PYGB: variants seen among roughly 807,000 people sequenced by gnomAD.
PYGB encodes the protein glycogen phosphorylase, brain form.
PYGB carries 82 observed loss-of-function variants against 94.3 expected under a neutral mutation model. The ratio of observed to expected loss-of-function variants is 0.87; its 90% CI spans 0.73 to 1.04. The LOEUF is 1.04. PYGB is among the 50% of genes least tolerant of loss of function. The pLI is 0.00. For synonymous variants in PYGB, 488 were observed against 479.1 expected, an observed-to-expected ratio of 1.02 and a Z score of -0.24; for missense variants, 1,132 against 1,158.2, an observed-to-expected ratio of 0.98 and a Z score of 0.33.
At chr20:25,295,553 G>A (rs766727742) in intron 18 of PYGB, 51 bp from the exon 19 acceptor site, 2 of 1,561,262 alleles carry the variant, frequency 1.3e-6, no homozygotes, top group Admixed American at 1.7e-5. Context: ...TCGGGACAGT[G>A]TGGGCAGGGC....
At chr20:25,253,074 A>G (rs1394789831) in intron 1 of PYGB, among the ~76,000 whole-genome samples, 1 of 152,234 alleles carries the variant, frequency 6.6e-6, no homozygotes, top group Admixed American at 6.5e-5. Context: ...CAAGGGTGTT[A>G]GGAGCACAGG....
At position 25,282,125 on chromosome 20, in the gene PYGB, G is replaced by C; in HGVS notation, c.1496G>C (p.Gly499Ala). ...CGGTGGCTGCTGCTGTGCAACCCGG[G>C]GCTGGCCGATACCATCGTGGAGGTG... is the stretch of plus-strand genomic sequence containing the variant. ...PRRWLLLCNP[G>A]LADTIVEKIG... Residue 499 changes from glycine to alanine, a missense_variant, in exon 12 of 20, where the codon GGG becomes GCG. Coordinates refer to ENST00000216962, the MANE Select transcript of PYGB (RefSeq NM_002862.4). 12 of 1,613,348 alleles carry C rather than the reference G, an allele frequency of 7.4e-6. No homozygotes were observed. The highest frequency in any genetic ancestry group is 1.0e-5 in the Non-Finnish European group (12 of 1,179,822).
chr20:25,292,423 C>T lies in PYGB; in HGVS notation c.1987C>T (p.Leu663=), dbSNP rs199748264. The change falls in exon 17 of 20, where the codon CTG becomes TTG. Residue 663 remains leucine, a synonymous_variant. Transcript: ENST00000216962. Reference sequence around the variant, plus strand: ...CTCCACAGTGATCCCGGCCGCTGATCTGTCGCAGCAGATCTCCACTGCAGG... The same window carrying T: ...CTCCACAGTGATCCCGGCCGCTGATTTGTCGCAGCAGATCTCCACTGCAGG... ...LAEKVIPAAD[L]SQQISTAGTE... 21 of 1,613,208 alleles carry T rather than the reference C, an allele frequency of 1.3e-5. No homozygotes were observed. The highest frequency in any genetic ancestry group is 1.6e-5 in the Non-Finnish European group (19 of 1,179,966).
rs944122774 is a variant in PYGB at position 25,276,883 on chromosome 20, T to A, written c.772+126T>A. 3 of 812,444 alleles carry A rather than the reference T, an allele frequency of 3.7e-6. No homozygotes were observed. In the East Asian group the frequency reaches 8.1e-5, roughly 22 times the overall value. The allele number at this position is 812,444 out of a possible 1,614,324, so 50.3% of individuals were successfully genotyped here. A position where few individuals can be genotyped will look rare whatever the true frequency, so the allele number is the denominator to read the frequency against. ...GAGGCCGCGCGGCCCTCCTCTAGGG[T>A]GTCCCTGCGTCCCAGTGAAGAGCGA... On this transcript the variant is annotated intron_variant, in intron 6 of 19. Coordinates refer to ENST00000216962, the MANE Select transcript of PYGB (RefSeq NM_002862.4).
At chr20:25,275,483 G>A in intron 5 of PYGB, among the ~76,000 whole-genome samples, 1 of 152,222 alleles carries the variant, frequency 6.6e-6, no homozygotes, top group Non-Finnish European at 1.5e-5. Flanking sequence ...GCAATAACAG[G>A]AGAGCCTGGA....
intron 17 of PYGB, 109 bp downstream of exon 17, chr20:25,292,722 T>G: frequency 7.3e-7 from 1 of 1,362,348 alleles, no homozygotes; most frequent in Non-Finnish European, 9.9e-7. Context: ...CACTGTGTGC[T>G]AGGGTCAGTG....
chr20:25,276,721 T>C lies in PYGB; in HGVS notation c.736T>C (p.Ser246Pro). Residue 246 changes from serine (S) to proline (P), a missense_variant, in exon 6 of 20, where the codon TCC (serine) becomes CCC (proline). Transcript: ENST00000216962. The part of the protein sequence containing the change: ...NNTVNTMRLW[S>P]AKAPNDFKLQ... ...CACCGTCAACACCATGCGGCTGTGG[T>C]CCGCCAAGGCTCCCAACGACTTCAA... The C allele has an allele frequency of 6.2e-7, 1 of 1,614,024 alleles. No homozygotes were observed. Among genetic ancestry groups the C allele is most frequent in the Non-Finnish European group, 8.5e-7 (1 of 1,179,908 alleles).
At chr20:25,256,435 G>C (rs936791809) in intron 1 of PYGB, among the ~76,000 whole-genome samples, 4 of 151,414 alleles carry the variant, frequency 2.6e-5, no homozygotes, top group African/African-American at 9.7e-5. Context: ...GGTGGAGGTT[G>C]CAGTGAGCCA....
At chr20:25,266,142 C>T (rs754014413) in intron 2 of PYGB, among the ~76,000 whole-genome samples, 1 of 152,150 alleles carries the variant, frequency 6.6e-6, no homozygotes, top group African/African-American at 2.4e-5. Flanking sequence ...TGTGCCACTG[C>T]GCCTGGCTGA....
intron 2 of PYGB, among the ~76,000 whole-genome samples, chr20:25,260,647 G>A (rs943816034): frequency 2.6e-5 from 4 of 152,140 alleles, no homozygotes; most frequent in Non-Finnish European, 5.9e-5. Flanking sequence ...GTAGCCCACC[G>A]AGCGTGAGAG....
chr20:25,279,284 C>T (rs1439121884), intron 9 of PYGB, 135 bp downstream of exon 9: 7 of 940,062 alleles, frequency 7.4e-6, no homozygotes, highest in Admixed American at 5.1e-5. Flanking sequence ...AGGAGAGACG[C>T]GAGCTGTGGG....
chr20:25,254,206 A>C (rs566959560), intron 1 of PYGB, among the ~76,000 whole-genome samples: 2 of 152,210 alleles, frequency 1.3e-5, no homozygotes, highest in African/African-American at 2.4e-5. Context: ...CATTTTAATC[A>C]ACACAGTGCT....
Position 25,259,310 on chromosome 20 carries a change from A to G in PYGB, c.317A>G (p.Gln106Arg). 1 of 1,611,582 alleles carries G rather than the reference A, an allele frequency of 6.2e-7. No homozygotes were observed. Among genetic ancestry groups the G allele is most frequent in the Non-Finnish European group, 8.5e-7 (1 of 1,177,630 alleles). ...LQNTMVNLGL[Q>R]NACDEAIYQL... ...AACACGATGGTGAACCTGGGCCTTC[A>G]GAATGCCTGCGATGAAGCCATCTAT... The change falls in exon 2 of 20, where the codon CAG (glutamine) becomes CGG (arginine). Residue 106 changes from glutamine (Q) to arginine (R), a missense_variant. Physicochemically the swap from Gln to Arg is conservative, Grantham distance 43 (BLOSUM62 1). Coordinates refer to ENST00000216962, the MANE Select transcript of PYGB (RefSeq NM_002862.4).
intron 17 of PYGB, among the ~76,000 whole-genome samples, chr20:25,292,832 G>T (rs1158380216): frequency 1.3e-5 from 2 of 152,106 alleles, no homozygotes; most frequent in East Asian, 3.9e-4. Flanking sequence ...GGGGGTGCTG[G>T]GCTGCTCCTG....
intron 7 of PYGB, among the ~76,000 whole-genome samples, chr20:25,277,883 A>G (rs1227253800): frequency 4.6e-5 from 7 of 152,264 alleles, no homozygotes; most frequent in Non-Finnish European, 8.8e-5. Context: ...AGTCCTTAGA[A>G]GATGCCCTAG....
chr20:25,283,327 G>A, intron 13 of PYGB, 50 bp downstream of exon 13: 2 of 1,531,884 alleles, frequency 1.3e-6, no homozygotes, highest in Non-Finnish European at 9.0e-7. Flanking sequence ...CCACAACCAG[G>A]CAGGTAGGCC....
intron 2 of PYGB, among the ~76,000 whole-genome samples, chr20:25,260,378 G>A (rs1327659943): frequency 6.6e-6 from 1 of 152,104 alleles, no homozygotes; most frequent in Non-Finnish European, 1.5e-5. Flanking sequence ...AAATTTTAGG[G>A]AATAGTTTGC....
At chr20:25,248,536 C>A in intron 1 of PYGB, 115 bp downstream of exon 1, 1 of 1,209,434 alleles carries the variant, frequency 8.3e-7, no homozygotes, top group Non-Finnish European at 1.0e-6. Flanking sequence ...GCGCCCCTAG[C>A]CGGCCGGCGG....
chr20:25,274,041 G>T (rs2088289172), intron 4 of PYGB, among the ~76,000 whole-genome samples: 1 of 152,172 alleles, frequency 6.6e-6, no homozygotes, highest in Non-Finnish European at 1.5e-5. Context: ...ATGTCTTCTA[G>T]TGATTCTTCT....
Sources: gnomAD v4.1 joint callset for allele counts (sites outside exome capture counted in the v4.1 genomes callset) on GRCh38, gnomAD v4.1.1 for gene constraint, MANE v1.5 for transcripts, NCBI Gene and HGNC (gene_info 2026-07-23, HGNC 2026-07-21) for gene names.